Variants in NRF1 observed in about 807,000 individuals in gnomAD.
NRF1 encodes alpha palindromic-binding protein.
NRF1 carries 5 observed loss-of-function variants against 58.5 expected under a neutral mutation model. The ratio of observed to expected loss-of-function variants is 0.09; its 90% CI spans 0.04 to 0.18. The LOEUF is 0.18. Among genes scored for constraint, NRF1 ranks in the 10% least tolerant of loss-of-function variants. NRF1 has a pLI of 1.00. For missense variants in NRF1, 288 were observed against 657.7 expected (o/e 0.44, Z 6.15); for synonymous variants, 224 against 246.7 (o/e 0.91, Z 0.86).
At chr7:129,634,040 A>T (rs1214049278) in intron 1 of NRF1, among the ~76,000 whole-genome samples, 1 of 89,678 alleles carries the variant, frequency 1.1e-5, no homozygotes, top group Non-Finnish European at 2.2e-5. Flanking sequence ...AAAAAAAAAA[A>T]AAGATATATA....
intron 1 of NRF1, among the ~76,000 whole-genome samples, chr7:129,634,541 T>G (rs1179572979): frequency 6.6e-6 from 1 of 152,228 alleles, no homozygotes; most frequent in African/African-American, 2.4e-5. Flanking sequence ...TAATGCTGAA[T>G]AATATTTCAC....
chr7:129,722,121 G>A (rs1213181772), intron 9 of NRF1, among the ~76,000 whole-genome samples: 3 of 152,232 alleles, frequency 2.0e-5, no homozygotes, highest in South Asian at 2.1e-4. Flanking sequence ...TAGGCTGGGC[G>A]TGGTGGCTCA....
At chr7:129,655,647 G>C (rs555674981) in intron 1 of NRF1, among the ~76,000 whole-genome samples, 1 of 152,028 alleles carries the variant, frequency 6.6e-6, no homozygotes, top group African/African-American at 2.4e-5. Context: ...TCAGCCTCCT[G>C]AGTAGCTGGG....
chr7:129,651,984 C>T (rs945818429), intron 1 of NRF1, among the ~76,000 whole-genome samples: 2 of 152,076 alleles, frequency 1.3e-5, no homozygotes, highest in African/African-American at 2.4e-5. Context: ...CCAGATTTTC[C>T]AAATGTTCAC....
At chr7:129,680,088 T>A (rs1434939867) in intron 4 of NRF1, among the ~76,000 whole-genome samples, 6 of 151,834 alleles carry the variant, frequency 4.0e-5, no homozygotes, top group Non-Finnish European at 7.4e-5. Context: ...AAAATAAAAA[T>A]AGGCAAAAGG....
intron 10 of NRF1, among the ~76,000 whole-genome samples, chr7:129,736,375 G>A (rs2116280895): frequency 6.7e-6 from 1 of 150,264 alleles, no homozygotes; most frequent in Middle Eastern, 3.5e-3. Flanking sequence ...TCCACCTCCT[G>A]GGTTCAAGCG....
chr7:129,671,102 ACCTCTAAGAATATTG>A (rs1464998508), intron 2 of NRF1, among the ~76,000 whole-genome samples: 2 of 152,132 alleles, frequency 1.3e-5, no homozygotes, highest in African/African-American at 2.4e-5. Flanking sequence ...TTTTCCTAGC[ACCTCTAAGAATATTG>A]CCTTTACAGT....
At chr7:129,735,354 A>G (rs1454429082) in intron 10 of NRF1, 4 of 418,696 alleles carry the variant, frequency 9.6e-6, no homozygotes, top group Non-Finnish European at 3.2e-6. Flanking sequence ...ATATGGTGAA[A>G]CCCTGTCTAT....
chr7:129,637,298 A>C (rs1192001284), intron 1 of NRF1, among the ~76,000 whole-genome samples: 3 of 152,044 alleles, frequency 2.0e-5, no homozygotes, highest in Non-Finnish European at 4.4e-5. Context: ...ACCCCTGCAA[A>C]AAAGCAAGGA....
chr7:129,708,146 G>A (rs1443523201), intron 5 of NRF1, among the ~76,000 whole-genome samples: 2 of 152,262 alleles, frequency 1.3e-5, no homozygotes, highest in East Asian at 3.9e-4. Context: ...ACTTATATCT[G>A]GAGTGCTATA....
chr7:129,725,404 T>C (rs6949469), intron 9 of NRF1, among the ~76,000 whole-genome samples: 125,763 of 151,326 alleles, frequency 0.83, 53,306 homozygotes, highest in East Asian at 0.93. Flanking sequence ...ATCGGCCCAC[T>C]GCAATCTCCA....
At chr7:129,744,807 T>C (rs1803934006) in intron 10 of NRF1, among the ~76,000 whole-genome samples, 1 of 152,174 alleles carries the variant, frequency 6.6e-6, no homozygotes, top group Admixed American at 6.5e-5. Flanking sequence ...TGTGGTTTTT[T>C]TCCTAAATGG....
chr7:129,712,214 A>G (rs776318424), intron 8 of NRF1, among the ~76,000 whole-genome samples: 2 of 152,214 alleles, frequency 1.3e-5, no homozygotes, highest in African/African-American at 2.4e-5. Context: ...GTCCCATAGC[A>G]GTGTTGAAGC....
chr7:129,704,832 A>T (rs549563693), intron 5 of NRF1, among the ~76,000 whole-genome samples: 168 of 152,282 alleles, frequency 1.1e-3, no homozygotes, highest in African/African-American at 3.8e-3. Flanking sequence ...CAGATCTTCA[A>T]ATTAGGGATG....
chr7:129,708,829 T>C (rs1803008552), intron 5 of NRF1, among the ~76,000 whole-genome samples: 1 of 152,178 alleles, frequency 6.6e-6, no homozygotes, highest in African/African-American at 2.4e-5. Flanking sequence ...TAGATATTCT[T>C]ACTCTTAGAG....
chr7:129,720,525 C>T (rs1228801140), intron 9 of NRF1, among the ~76,000 whole-genome samples: 1 of 152,188 alleles, frequency 6.6e-6, no homozygotes, highest in African/African-American at 2.4e-5. Flanking sequence ...TTGCAGCTTG[C>T]TCTGTTTTGG....
intron 8 of NRF1, among the ~76,000 whole-genome samples, chr7:129,712,152 C>T (rs1803088356): frequency 1.4e-5 from 2 of 141,930 alleles, no homozygotes; most frequent in Non-Finnish European, 3.1e-5. Context: ...GTTATCTTCA[C>T]TTTAGAGATG....
intron 8 of NRF1, among the ~76,000 whole-genome samples, chr7:129,713,728 A>G (rs1324163178): frequency 6.6e-6 from 1 of 152,240 alleles, no homozygotes; most frequent in Admixed American, 6.5e-5. Context: ...CAGCAAGCCC[A>G]GGGTGCTGTG....
intron 2 of NRF1, among the ~76,000 whole-genome samples, chr7:129,657,862 C>T (rs190376677): frequency 4.1e-4 from 63 of 152,240 alleles, no homozygotes; most frequent in East Asian, 4.1e-3. Context: ...CCTTCTGCCT[C>T]GGCCTCCTAA....
Sources: allele counts gnomAD v4.1 joint callset (sites outside exome capture counted in the v4.1 genomes callset), GRCh38; gene constraint gnomAD v4.1.1; transcripts MANE v1.5; gene names NCBI Gene and HGNC (gene_info 2026-07-23, HGNC 2026-07-21).